Variants in MAP3K7CL observed in about 807,000 individuals in gnomAD.
MAP3K7CL encodes the protein MAP3K7 C-terminal-like protein.
A neutral mutation model predicts 18.6 loss-of-function variants in MAP3K7CL; 16 were observed. That is an observed-to-expected ratio of 0.86 (90% CI 0.58 to 1.31). MAP3K7CL has a LOEUF of 1.31. Ranked by LOEUF, MAP3K7CL falls within the 50% of genes most tolerant of loss-of-function variation. The probability of loss-of-function intolerance (pLI) is 0.00; values close to 1 mark genes in which losing one functional copy is unlikely to be tolerated. For synonymous variants in MAP3K7CL, 65 were observed against 66.8 expected (o/e 0.97, Z 0.13); for missense variants, 163 against 174.4 (o/e 0.93, Z 0.37).
At chr21:29,139,940 CTG>C (rs2086970430) in intron 2 of MAP3K7CL, among the ~76,000 whole-genome samples, 1 of 123,810 alleles carries the variant, frequency 8.1e-6, no homozygotes, top group Non-Finnish European at 1.6e-5. Flanking sequence ...ACAGGGAACT[CTG>C]TAGGAAGTCA....
Position 29,149,266 on chromosome 21 carries a change from A to C in MAP3K7CL, c.132+16A>C. On this transcript the variant is annotated intron_variant, in intron 3 of 4. Transcript: ENST00000399928. ...GCAGCTACAGGTAAGGATTTTTCTA[A>C]AGTCTCTCTTCTTTCCTCCTTAGTG... 1 of 1,610,996 alleles carries C rather than the reference A, an allele frequency of 6.2e-7. No individual in the cohort carries two copies. Among genetic ancestry groups the C allele is most frequent in the African/African-American group, 1.3e-5 (1 of 74,976 alleles).
intron 4 of MAP3K7CL, among the ~76,000 whole-genome samples, chr21:29,097,209 G>C (rs2086138717): frequency 6.6e-6 from 1 of 152,110 alleles, no homozygotes; most frequent in South Asian, 2.1e-4. Flanking sequence ...TTCACTCAGA[G>C]TATCTAGTAG....
intron 4 of MAP3K7CL, among the ~76,000 whole-genome samples, chr21:29,098,607 A>G (rs1472326596): frequency 6.6e-6 from 1 of 152,254 alleles, no homozygotes; most frequent in African/African-American, 2.4e-5. Context: ...TAATAAAGGA[A>G]AAGGGAGGTA....
At chr21:29,089,168 C>CAAAAAAAAAAAAAAAAAAAAAAAAA (rs748166183) in intron 1 of MAP3K7CL, among the ~76,000 whole-genome samples, 1 of 68,518 alleles carries the variant, frequency 1.5e-5, no homozygotes, top group African/African-American at 5.2e-5. Context: ...GACTCCGTCT[C>CAAAAAAAAAAAAAAAAAAAAAAAAA]AAAAAAAAAA....
intron 1 of MAP3K7CL, among the ~76,000 whole-genome samples, chr21:29,087,109 T>C (rs1488311084): frequency 2.0e-5 from 3 of 152,110 alleles, no homozygotes; most frequent in Non-Finnish European, 4.4e-5. Flanking sequence ...CCACACTCAT[T>C]CTCTCTGCTG....
intron 2 of MAP3K7CL, among the ~76,000 whole-genome samples, chr21:29,138,645 C>G (rs2086935564): frequency 6.6e-6 from 1 of 152,126 alleles, no homozygotes. Context: ...GTCAAGAATA[C>G]TAGTATCAGC....
intron 4 of MAP3K7CL, among the ~76,000 whole-genome samples, chr21:29,097,918 A>T (rs2086151172): frequency 6.6e-6 from 1 of 152,220 alleles, no homozygotes; most frequent in Admixed American, 6.5e-5. Context: ...TGTACATTCT[A>T]TAAACTGTTG....
At chr21:29,083,634 G>A (rs2085873928), upstream of MAP3K7CL, among the ~76,000 whole-genome samples, 1 of 152,176 alleles carries the variant, frequency 6.6e-6, no homozygotes, top group Non-Finnish European at 1.5e-5. Flanking sequence ...TGGAAACTTA[G>A]AGCCAAATGT....
upstream of MAP3K7CL, among the ~76,000 whole-genome samples, chr21:29,130,283 G>A (rs1179225248): frequency 6.6e-6 from 1 of 152,162 alleles, no homozygotes; most frequent in Non-Finnish European, 1.5e-5. Context: ...AGAATGAATC[G>A]AGTCATCAAG....
intron 4 of MAP3K7CL, among the ~76,000 whole-genome samples, chr21:29,171,100 T>A (rs2087816120): frequency 6.6e-6 from 1 of 152,206 alleles, no homozygotes; most frequent in Admixed American, 6.5e-5. Flanking sequence ...TAGGCTTGAT[T>A]TCTGGCTCAC....
chr21:29,114,278 A>G (rs1334140768), intron 4 of MAP3K7CL, among the ~76,000 whole-genome samples: 1 of 152,112 alleles, frequency 6.6e-6, no homozygotes, highest in African/African-American at 2.4e-5. Context: ...CATGTTGACC[A>G]GGCTGGTCTC....
rs147167856 is a variant in MAP3K7CL at position 29,169,162 on chromosome 21, G to A, written c.249-5550G>A. ...CGCCAATGTATAGACAGTGCCCAAC[G>A]ACAAAGAATTGCCTGGCCCACAATG... On this transcript the variant is annotated intron_variant, in intron 4 of 4. Transcript: ENST00000399928. Among the ~76,000 whole-genome samples, 7 of 152,290 alleles carry A rather than the reference G, an allele frequency of 4.6e-5. No homozygotes were observed. In the East Asian group the frequency reaches 5.8e-4, roughly 13 times the overall value.
intron 4 of MAP3K7CL, among the ~76,000 whole-genome samples, chr21:29,116,636 G>T (rs1242418232): frequency 2.0e-5 from 3 of 152,120 alleles, no homozygotes; most frequent in Non-Finnish European, 2.9e-5. Context: ...ACAAACTTCT[G>T]TCTGTATTCT....
intron 2 of MAP3K7CL, among the ~76,000 whole-genome samples, chr21:29,141,637 T>A (rs2087011339): frequency 6.6e-6 from 1 of 152,222 alleles, no homozygotes; most frequent in Non-Finnish European, 1.5e-5. Context: ...CTGGTTAAGA[T>A]AACATCATGT....
At chr21:29,078,608 T>A (rs1194224310) in intron 1 of MAP3K7CL, among the ~76,000 whole-genome samples, 1 of 152,184 alleles carries the variant, frequency 6.6e-6, no homozygotes, top group Non-Finnish European at 1.5e-5. Context: ...GTCAATCCCT[T>A]ACCAGTGAGG....
intron 3 of MAP3K7CL, among the ~76,000 whole-genome samples, chr21:29,156,585 C>T (rs1352662887): frequency 6.6e-6 from 1 of 152,104 alleles, no homozygotes; most frequent in African/African-American, 2.4e-5. Flanking sequence ...GATTACCTCT[C>T]AAAAGGTAAG....
intron 4 of MAP3K7CL, among the ~76,000 whole-genome samples, chr21:29,165,813 C>T (rs73350622): frequency 1.3e-5 from 2 of 152,162 alleles, no homozygotes; most frequent in Non-Finnish European, 2.9e-5. Flanking sequence ...CTCAAGTGAT[C>T]GGGCTGCTAA....
At chr21:29,149,973 C>T (rs2087231715) in intron 3 of MAP3K7CL, among the ~76,000 whole-genome samples, 1 of 152,184 alleles carries the variant, frequency 6.6e-6, no homozygotes, top group Non-Finnish European at 1.5e-5. Flanking sequence ...TTTGTAGTCA[C>T]ATTTAGGCAA....
intron 4 of MAP3K7CL, among the ~76,000 whole-genome samples, chr21:29,160,437 T>C (rs2087518988): frequency 6.6e-6 from 1 of 152,246 alleles, no homozygotes; most frequent in Admixed American, 6.5e-5. Flanking sequence ...CTGGGATAGC[T>C]CTTCAAAATA....
Sources: allele counts gnomAD v4.1 joint callset (sites outside exome capture counted in the v4.1 genomes callset), GRCh38; gene constraint gnomAD v4.1.1; transcripts MANE v1.5; gene names NCBI Gene and HGNC (gene_info 2026-07-23, HGNC 2026-07-21).